The following PALM2AKAP2 variants were observed in gnomAD, a reference collection of about 807,000 sequenced individuals.
PALM2AKAP2 encodes PALM2-AKAP2 fusion protein.
PALM2AKAP2 carries 37 observed loss-of-function variants against 71.5 expected under a neutral mutation model. The observed-to-expected ratio is 0.52, with a 90% CI of 0.40 to 0.68. The LOEUF (loss-of-function observed/expected upper bound fraction) is 0.68. Among genes scored for constraint, PALM2AKAP2 ranks in the 30% least tolerant of loss-of-function variants. PALM2AKAP2 has a pLI of 0.00. For missense variants in PALM2AKAP2, 1,224 were observed against 1,191.8 expected, an observed-to-expected ratio of 1.03 and a Z score of -0.40; for synonymous variants, 468 against 478.8, an observed-to-expected ratio of 0.98 and a Z score of 0.29.
intron 1 of PALM2AKAP2, among the ~76,000 whole-genome samples, chr9:110,118,638 T>C (rs1388005558): frequency 6.6e-6 from 1 of 152,160 alleles, no homozygotes; most frequent in East Asian, 1.9e-4. Context: ...TTCCCACCTG[T>C]CTCTCTGTAT....
intron 1 of PALM2AKAP2, among the ~76,000 whole-genome samples, chr9:109,823,430 C>G (rs922764699): frequency 1.3e-5 from 2 of 152,208 alleles, no homozygotes; most frequent in African/African-American, 4.8e-5. Context: ...GAGTCTTAAA[C>G]AAGTTCTTAG....
At position 109,857,067 on chromosome 9, in the gene PALM2AKAP2, C is replaced by T. The variant is rs145439617; in HGVS notation, c.46-10424C>T. 7.6e-4 allele frequency among the ~76,000 whole-genome samples: 116 copies of T among 152,302 alleles called. No individual in the cohort carries two copies. The East Asian group carries it at 8.3e-3, about 11-fold the overall frequency. ...GTGAGGTCCATGCAGTGTCCACCCC[C>T]GCTTCCTGCCCTGAGACTGCCTCCA... On this transcript the variant is annotated intron_variant, in intron 1 of 9. Transcript: ENST00000302798.
intron 7 of PALM2AKAP2, among the ~76,000 whole-genome samples, chr9:110,040,896 A>G (rs1019819886): frequency 1.3e-5 from 2 of 152,136 alleles, no homozygotes; most frequent in African/African-American, 4.8e-5. Context: ...TATTAGGCAT[A>G]TTTTATGTTT....
At chr9:109,869,866 G>T (rs752770084) in intron 2 of PALM2AKAP2, among the ~76,000 whole-genome samples, 17 of 152,204 alleles carry the variant, frequency 1.1e-4, no homozygotes, top group Non-Finnish European at 2.5e-4. Context: ...TGCTATTGCA[G>T]GGCAGGAGGT....
chr9:109,740,931 T>C (rs1399389835), intron 1 of PALM2AKAP2, among the ~76,000 whole-genome samples: 1 of 152,180 alleles, frequency 6.6e-6, no homozygotes, highest in East Asian at 1.9e-4. Flanking sequence ...GGATTACAGG[T>C]GTGAGCCACT....
chr9:110,152,648 G>C (rs1836349689), intron 2 of PALM2AKAP2, among the ~76,000 whole-genome samples: 1 of 152,234 alleles, frequency 6.6e-6, no homozygotes, highest in African/African-American at 2.4e-5. Context: ...TGTCTGCAGT[G>C]TCCACTATTG....
In PALM2AKAP2 at chr9:109,925,170, A is replaced by C. The variant is rs1224865820; in HGVS notation, c.394+88A>C. On this transcript the variant is annotated intron_variant, in intron 5 of 9. Transcript: ENST00000302798. The stretch of plus-strand genomic sequence containing the variant: ...ATTAACAGGGGCTTAAGGAAGAGGT[A>C]CTGTGTTGATTTGTAAAGGCATCAG... The C allele has an allele frequency of 1.9e-6, 3 of 1,588,814 alleles. No individual in the cohort carries two copies. The African/African-American group carries it at 4.0e-5, about 21-fold the overall frequency.
At chr9:109,948,048 A>T (rs1831551042) in intron 6 of PALM2AKAP2, among the ~76,000 whole-genome samples, 1 of 152,200 alleles carries the variant, frequency 6.6e-6, no homozygotes, top group Non-Finnish European at 1.5e-5. Context: ...GGAAGATGGG[A>T]TGTTTGATTC....
intron 3 of PALM2AKAP2, among the ~76,000 whole-genome samples, chr9:109,908,255 C>A (rs2131880269): frequency 6.6e-6 from 1 of 152,336 alleles, no homozygotes; most frequent in African/African-American, 2.4e-5. Context: ...TCTCCTTAAA[C>A]CACAGCAGCT....
chr9:109,886,176 G>A (rs768813970), intron 3 of PALM2AKAP2, among the ~76,000 whole-genome samples: 4 of 152,126 alleles, frequency 2.6e-5, no homozygotes, highest in African/African-American at 7.2e-5. Context: ...TTGGAGTGAC[G>A]TATTGAGAAA....
intron 6 of PALM2AKAP2, among the ~76,000 whole-genome samples, chr9:110,008,061 G>A (rs1832816530): frequency 6.6e-6 from 1 of 152,126 alleles, no homozygotes; most frequent in Non-Finnish European, 1.5e-5. Flanking sequence ...ATTTTTCATG[G>A]CCAGTTGTTA....
At chr9:109,920,382 T>G (rs1357241029) in intron 3 of PALM2AKAP2, among the ~76,000 whole-genome samples, 1 of 151,698 alleles carries the variant, frequency 6.6e-6, no homozygotes, top group African/African-American at 2.4e-5. Context: ...TCTTTTTTTT[T>G]TTTTTTTGAG....
chr9:109,664,227 CATT>C (rs1461473454), intron 1 of PALM2AKAP2, among the ~76,000 whole-genome samples: 1 of 152,142 alleles, frequency 6.6e-6, no homozygotes, highest in Non-Finnish European at 1.5e-5. Context: ...TTGATTCTGT[CATT>C]ATGATATTTG....
At chr9:110,088,703 G>GTTTTTTTGTTTTTTTT (rs1834629219) in intron 1 of PALM2AKAP2, among the ~76,000 whole-genome samples, 1 of 75,574 alleles carries the variant, frequency 1.3e-5, no homozygotes. Context: ...GCATTTACGT[G>GTTTTTTTGTTTTTTTT]TTTTTTTTTT....
At chr9:109,980,409 G>A (rs2132191544) in intron 6 of PALM2AKAP2, among the ~76,000 whole-genome samples, 1 of 152,308 alleles carries the variant, frequency 6.6e-6, no homozygotes, top group East Asian at 1.9e-4. Context: ...GGAGGGCCAA[G>A]TAAGAGAATT....
chr9:109,993,492 C>A (rs1013423988), intron 6 of PALM2AKAP2, among the ~76,000 whole-genome samples: 1 of 152,226 alleles, frequency 6.6e-6, no homozygotes, highest in African/African-American at 2.4e-5. Context: ...CAGTAGGACA[C>A]TGACCACCTC....
At chr9:110,060,448 A>G (rs1444809274) in intron 1 of PALM2AKAP2, among the ~76,000 whole-genome samples, 1 of 152,056 alleles carries the variant, frequency 6.6e-6, no homozygotes, top group African/African-American at 2.4e-5. Flanking sequence ...TCCATTTTGA[A>G]GATGGAAAAG....
chr9:109,648,382 T>G (rs1416274962), intron 1 of PALM2AKAP2, among the ~76,000 whole-genome samples: 1 of 152,204 alleles, frequency 6.6e-6, no homozygotes, highest in African/African-American at 2.4e-5. Context: ...CGGATTCTTT[T>G]TGAGTGCCCT....
At chr9:110,035,880 T>TAG (rs759229668) in intron 7 of PALM2AKAP2, among the ~76,000 whole-genome samples, 4 of 149,298 alleles carry the variant, frequency 2.7e-5, no homozygotes, top group Admixed American at 6.8e-5. Context: ...ATAACATATA[T>TAG]GATATGTTGT....
Sources: gnomAD v4.1 joint callset for allele counts (sites outside exome capture counted in the v4.1 genomes callset) on GRCh38, gnomAD v4.1.1 for gene constraint, MANE v1.5 for transcripts, NCBI Gene and HGNC (gene_info 2026-07-23, HGNC 2026-07-21) for gene names.